Variants in FAM178B observed in about 807,000 individuals in gnomAD.
FAM178B encodes protein FAM178B.
A neutral mutation model predicts 91.7 loss-of-function variants in FAM178B; 82 were observed. That is an observed-to-expected ratio of 0.89 (90% CI 0.75 to 1.07). The LOEUF (loss-of-function observed/expected upper bound fraction) is 1.07, where lower values mean the gene tolerates loss of function less well. Ranked by LOEUF, FAM178B falls within the 50% of genes least tolerant of loss-of-function variation. FAM178B has a pLI of 0.00. For missense variants in FAM178B, 769 were observed against 846.7 expected, an observed-to-expected ratio of 0.91 and a Z score of 1.14; for synonymous variants, 368 against 359.4, an observed-to-expected ratio of 1.02 and a Z score of -0.27.
At chr2:96,949,948 G>T (rs1005163509) in intron 7 of FAM178B, 73 of 980,024 alleles carry the variant, frequency 7.4e-5, no homozygotes, top group Middle Eastern at 5.2e-4. Flanking sequence ...AGGAGTAGGT[G>T]GCAGGGCCAG....
chr2:96,881,664 T>C (rs898638820), intron 14 of FAM178B, among the ~76,000 whole-genome samples: 2 of 150,272 alleles, frequency 1.3e-5, no homozygotes, highest in Non-Finnish European at 3.0e-5. Flanking sequence ...GTCAGTGGAC[T>C]TACCCCAGGC....
chr2:96,980,272 C>T (rs1344381991), intron 1 of FAM178B, among the ~76,000 whole-genome samples: 1 of 152,166 alleles, frequency 6.6e-6, no homozygotes, highest in African/African-American at 2.4e-5. Flanking sequence ...GACAGGGTTT[C>T]ACCATGTTGC....
intron 8 of FAM178B, among the ~76,000 whole-genome samples, chr2:96,938,367 G>A (rs2081667431): frequency 6.6e-6 from 1 of 152,202 alleles, no homozygotes; most frequent in South Asian, 2.1e-4. Flanking sequence ...TGTAGTGGTG[G>A]GGACAGGAGC....
At chr2:96,969,649 T>A (rs1264273911) in intron 4 of FAM178B, among the ~76,000 whole-genome samples, 1 of 152,188 alleles carries the variant, frequency 6.6e-6, no homozygotes, top group Non-Finnish European at 1.5e-5. Context: ...TAAATGTACA[T>A]CACCATGCTG....
At chr2:96,884,578 A>C (rs2080470130) in intron 14 of FAM178B, among the ~76,000 whole-genome samples, 1 of 152,168 alleles carries the variant, frequency 6.6e-6, no homozygotes, top group Non-Finnish European at 1.5e-5. Flanking sequence ...CTGGGGAGGG[A>C]GACAGAGCTT....
chr2:96,955,676 G>A (rs1343026985), intron 6 of FAM178B, among the ~76,000 whole-genome samples: 2 of 152,088 alleles, frequency 1.3e-5, no homozygotes, highest in Non-Finnish European at 2.9e-5. Context: ...GCGAAACTTC[G>A]TTCCAAAAAT....
intron 8 of FAM178B, among the ~76,000 whole-genome samples, chr2:96,933,302 G>C (rs1196873107): frequency 6.6e-6 from 1 of 152,116 alleles, no homozygotes; most frequent in East Asian, 1.9e-4. Context: ...CAAAGACTCT[G>C]GGCTCTGTGT....
At chr2:96,912,461 G>T (rs2081174936) in intron 12 of FAM178B, among the ~76,000 whole-genome samples, 1 of 151,952 alleles carries the variant, frequency 6.6e-6, no homozygotes, top group African/African-American at 2.4e-5. Context: ...GTGGGGGAGG[G>T]GTATCCCTGA....
At chr2:96,921,841 G>A (rs2081346331) in intron 10 of FAM178B, among the ~76,000 whole-genome samples, 187 bp from the exon 11 acceptor site, 1 of 152,198 alleles carries the variant, frequency 6.6e-6, no homozygotes, top group South Asian at 2.1e-4. Context: ...CAGGTGTGGA[G>A]AGTGTGCTTG....
intron 12 of FAM178B, among the ~76,000 whole-genome samples, chr2:96,917,408 C>CAATT (rs1466388122): frequency 6.6e-6 from 1 of 152,186 alleles, no homozygotes; most frequent in Non-Finnish European, 1.5e-5. Context: ...ATTTAAAGGG[C>CAATT]AATTGCCATG....
chr2:96,880,600 A>ATT (rs573675502), intron 14 of FAM178B, among the ~76,000 whole-genome samples: 5,666 of 148,588 alleles, frequency 0.038, 243 homozygotes, highest in African/African-American at 0.11. Flanking sequence ...GGTTTAAAAC[A>ATT]TTTTTTTTTT....
intron 1 of FAM178B, among the ~76,000 whole-genome samples, chr2:96,981,080 C>T (rs1353442078): frequency 6.6e-6 from 1 of 152,186 alleles, no homozygotes. Context: ...ATTCTCCTGC[C>T]TCAGCCTCCC....
At chr2:96,959,861 G>A (rs1043567032) in intron 6 of FAM178B, among the ~76,000 whole-genome samples, 2 of 152,168 alleles carry the variant, frequency 1.3e-5, no homozygotes, top group Admixed American at 1.3e-4. Context: ...CTGGGGACAC[G>A]CTTTTCAGTG....
chr2:96,959,660 C>T (rs2082052852), intron 6 of FAM178B, among the ~76,000 whole-genome samples: 1 of 152,200 alleles, frequency 6.6e-6, no homozygotes, highest in Non-Finnish European at 1.5e-5. Flanking sequence ...CTGCACTGAA[C>T]CCTGAGGACT....
At chr2:96,943,170 C>T (rs1248603617) in intron 8 of FAM178B, among the ~76,000 whole-genome samples, 1 of 152,130 alleles carries the variant, frequency 6.6e-6, no homozygotes, top group Non-Finnish European at 1.5e-5. Flanking sequence ...TTTTGTACAT[C>T]AAAGGACATT....
intron 12 of FAM178B, among the ~76,000 whole-genome samples, chr2:96,917,845 G>C (rs771165673): frequency 4.6e-5 from 7 of 152,140 alleles, no homozygotes; most frequent in Non-Finnish European, 1.0e-4. Context: ...GACAGAGTGA[G>C]ACCCTCTCTC....
chr2:96,970,165 A>T (rs575121835), intron 4 of FAM178B, among the ~76,000 whole-genome samples: 2 of 152,266 alleles, frequency 1.3e-5, no homozygotes, highest in South Asian at 4.1e-4. Flanking sequence ...ATCAGACGTG[A>T]CTGTTGCCTT....
chr2:96,939,340 CAA>C (rs1439122656), intron 8 of FAM178B: 1 of 148,928 alleles, frequency 6.7e-6, no homozygotes, highest in Non-Finnish European at 1.5e-5. Context: ...ACCAAAAATA[CAA>C]AAATTTAGCT....
intron 8 of FAM178B, among the ~76,000 whole-genome samples, chr2:96,946,425 C>T (rs2081829077): frequency 6.6e-6 from 1 of 152,184 alleles, no homozygotes; most frequent in Non-Finnish European, 1.5e-5. Flanking sequence ...ATGGACCGGG[C>T]CTCTCACTTT....
Sources: allele counts gnomAD v4.1 joint callset (sites outside exome capture counted in the v4.1 genomes callset), GRCh38; gene constraint gnomAD v4.1.1; transcripts MANE v1.5; gene names NCBI Gene and HGNC (gene_info 2026-07-23, HGNC 2026-07-21).